Variants in SLC3A1 observed in about 807,000 individuals in gnomAD.
The protein encoded by SLC3A1 is amino acid transporter heavy chain SLC3A1.
A neutral mutation model predicts 60.3 loss-of-function variants in SLC3A1; 78 were observed. The ratio of observed to expected loss-of-function variants is 1.29; its 90% CI spans 1.08 to 1.56. SLC3A1 has a LOEUF of 1.56. Ranked by LOEUF, SLC3A1 falls within the 40% of genes most tolerant of loss-of-function variation. The pLI is 0.00. For missense variants in SLC3A1, 1,172 were observed against 858.9 expected, an observed-to-expected ratio of 1.36 and a Z score of -4.56; for synonymous variants, 392 against 307.9, an observed-to-expected ratio of 1.27 and a Z score of -2.86.
intron 3 of SLC3A1, among the ~76,000 whole-genome samples, chr2:44,282,850 G>T (rs1671531206): frequency 6.6e-6 from 1 of 151,926 alleles, no homozygotes; most frequent in South Asian, 2.1e-4. Flanking sequence ...TAAAGACAGG[G>T]CCTCACTCTG....
At position 44,275,750 on chromosome 2, in the gene SLC3A1, T is replaced by C. The variant is rs765538592; in HGVS notation, c.215T>C (p.Val72Ala). 1.1e-5 allele frequency: 17 copies of C among 1,614,054 alleles called. No homozygotes were observed. In the South Asian group the frequency reaches 1.6e-4, roughly 16 times the overall value. The change falls in exon 1 of 10, where the codon GTG (valine) becomes GCG (alanine). Residue 72 changes from valine (V) to alanine (A), a missense_variant. By Grantham distance (64) the Val-to-Ala change is moderately conservative (BLOSUM62 0). Transcript: ENST00000260649. ...VQPYAGMPKE[V>A]LFQFSGQARY... is the part of the protein sequence containing the mutation. ...CCCTATGCGGGGATGCCCAAGGAGGTGCTGTTCCAGTTCTCTGGCCAGGCC... is the reference window on the plus strand; with the variant it reads ...CCCTATGCGGGGATGCCCAAGGAGGCGCTGTTCCAGTTCTCTGGCCAGGCC...
At chr2:44,278,091 A>C (rs1671391025) in intron 1 of SLC3A1, among the ~76,000 whole-genome samples, 1 of 152,074 alleles carries the variant, frequency 6.6e-6, no homozygotes, top group East Asian at 1.9e-4. Flanking sequence ...CTGCCTGTTG[A>C]TACCGTGTGA....
intron 9 of SLC3A1, among the ~76,000 whole-genome samples, chr2:44,315,916 C>A (rs946620907): frequency 6.6e-6 from 1 of 152,076 alleles, no homozygotes; most frequent in Non-Finnish European, 1.5e-5. Flanking sequence ...TAGCACTGTC[C>A]CCTGGCGAGA....
chr2:44,300,262 C>A (rs879096682), intron 5 of SLC3A1, among the ~76,000 whole-genome samples, 172 bp downstream of exon 5: 1 of 152,116 alleles, frequency 6.6e-6, no homozygotes, highest in Non-Finnish European at 1.5e-5. Context: ...CATATGCACT[C>A]GATGTTTTTT....
chr2:44,304,230 C>A lies in SLC3A1; in HGVS notation c.1224C>A (p.Pro408=). The change falls in exon 7 of 10, where the codon CCC becomes CCA. Residue 408 remains proline (P), a synonymous_variant. Transcript: ENST00000260649. ...CATTTATCCAAGAAGCTGATTTTCC[C>A]TTCAACAATTACCTCAGCATGCTAG... ...GLPFIQEADF[P]FNNYLSMLDT... is the part of the protein sequence containing the mutation. 6.2e-7 allele frequency: 1 copy of A among 1,614,036 alleles called. No homozygotes were observed. The highest frequency in any genetic ancestry group is 8.5e-7 in the Non-Finnish European group (1 of 1,179,886).
intron 4 of SLC3A1, among the ~76,000 whole-genome samples, chr2:44,286,838 T>TGAGCTGTGCGGTGCCTGTGAG: frequency 7.8e-6 from 1 of 128,090 alleles, no homozygotes; most frequent in South Asian, 2.6e-4. Flanking sequence ...GTGCCTGTGA[T>TGAGCTGTGCGGTGCCTGTGAG]GGTGAGCTGT....
intron 7 of SLC3A1, among the ~76,000 whole-genome samples, chr2:44,306,138 T>C (rs559570311): frequency 6.6e-6 from 1 of 152,132 alleles, no homozygotes; most frequent in South Asian, 2.1e-4. Context: ...GCCTTATATA[T>C]AGAGAGAGAG....
Position 44,277,087 on chromosome 2 carries a change from T to C in SLC3A1, c.430+1122T>C, listed in dbSNP as rs867833137. Reference sequence around the variant, plus strand: ...AGAAGGCTTTTCTTTTTCACGCTCCTATCATTCTCTCTCTTCTTTTTTTTT... The same window carrying C: ...AGAAGGCTTTTCTTTTTCACGCTCCCATCATTCTCTCTCTTCTTTTTTTTT... On this transcript the variant is annotated intron_variant, in intron 1 of 9. Coordinates refer to ENST00000260649, the MANE Select transcript of SLC3A1 (RefSeq NM_000341.4). Among the ~76,000 whole-genome samples, 5 of 82,088 alleles carry C rather than the reference T, an allele frequency of 6.1e-5. No homozygotes were observed. In the South Asian group the frequency reaches 2.9e-3, roughly 48 times the overall value. The allele number at this position is 82,088 out of a possible 152,430, so 53.9% of individuals were successfully genotyped here.
chr2:44,299,828 A>C, intron 4 of SLC3A1, 143 bp from the exon 5 acceptor site: 1 of 871,272 alleles, frequency 1.1e-6, no homozygotes, highest in Non-Finnish European at 1.9e-6. Context: ...CTAAATAGAT[A>C]AAAATAGACT....
intron 7 of SLC3A1, among the ~76,000 whole-genome samples, chr2:44,307,206 A>G (rs1237603475): frequency 3.3e-5 from 5 of 152,334 alleles, no homozygotes; most frequent in South Asian, 4.1e-4. Context: ...GCTGAATAGT[A>G]ACTTCCATAA....
intron 7 of SLC3A1, among the ~76,000 whole-genome samples, chr2:44,306,866 C>A (rs1484016711): frequency 6.6e-6 from 1 of 151,124 alleles, no homozygotes; most frequent in Non-Finnish European, 1.5e-5. Flanking sequence ...CAAAATTTAC[C>A]GTTATTAAAG....
chr2:44,281,131 T>C (rs1223652587), intron 2 of SLC3A1, among the ~76,000 whole-genome samples: 9 of 130,532 alleles, frequency 6.9e-5, no homozygotes, highest in Admixed American at 2.5e-4. Flanking sequence ...TTTCTTCCCC[T>C]CCCCTCCCCT....
In SLC3A1 at chr2:44,287,562, G is replaced by T. The variant is rs376821972; in HGVS notation, c.891+1405G>T. Among the ~76,000 whole-genome samples the T allele has an allele frequency of 3.3e-4, 50 of 152,326 alleles. 1 individual carries two copies. The South Asian group carries it at 0.01, about 31-fold the overall frequency. ...AATTGTTCATTGATTACCTGAAATTGAAATGTAATTGAGTGTCTTGTATTT... is the reference window on the plus strand; with the variant it reads ...AATTGTTCATTGATTACCTGAAATTTAAATGTAATTGAGTGTCTTGTATTT... On this transcript the variant is annotated intron_variant, in intron 4 of 9. Transcript: ENST00000260649.
downstream of SLC3A1, among the ~76,000 whole-genome samples, chr2:44,322,308 C>CTGAA (rs1430785129): frequency 6.6e-6 from 1 of 152,126 alleles, no homozygotes; most frequent in Non-Finnish European, 1.5e-5. Flanking sequence ...TCTCATAAAG[C>CTGAA]TGAAACAGCT....
In SLC3A1 at chr2:44,275,910, G is replaced by A. The variant is rs143903599; in HGVS notation, c.375G>A (p.Gln125=). The A allele has an allele frequency of 3.1e-6, 5 of 1,614,128 alleles. No homozygotes were observed. In the African/African-American group the frequency reaches 6.7e-5, roughly 22 times the overall value. The part of the protein sequence containing the change: ...LDWWQEGPMY[Q]IYPRSFKDSN... ...GGTGGCAGGAGGGGCCCATGTACCAGATCTACCCAAGGTCTTTCAAGGACA... is the reference window on the plus strand; with the variant it reads ...GGTGGCAGGAGGGGCCCATGTACCAAATCTACCCAAGGTCTTTCAAGGACA... Residue 125 remains glutamine, a synonymous_variant, in exon 1 of 10, where the codon CAG becomes CAA. Coordinates refer to ENST00000260649, the MANE Select transcript of SLC3A1 (RefSeq NM_000341.4).
rs988215338 is a variant in SLC3A1 at position 44,320,302 on chromosome 2, G to A, written c.1721G>A (p.Arg574Lys). The A allele has an allele frequency of 1.2e-6, 2 of 1,614,058 alleles. No homozygotes were observed. Among genetic ancestry groups the A allele is most frequent in the South Asian group, 2.2e-5 (2 of 91,084 alleles). The change falls in exon 10 of 10, where the codon AGG (arginine) becomes AAG (lysine). Residue 574 changes from arginine (R) to lysine (K), a missense_variant. Physicochemically the swap from Arg to Lys is conservative, Grantham distance 26 (BLOSUM62 2). Coordinates refer to ENST00000260649, the MANE Select transcript of SLC3A1 (RefSeq NM_000341.4). ...AACAGGGGCTGGTTTTGCCATTTGAGGAATGACAGCCACTATGTTGTGTAC... is the reference window on the plus strand; with the variant it reads ...AACAGGGGCTGGTTTTGCCATTTGAAGAATGACAGCCACTATGTTGTGTAC... ...LLNRGWFCHL[R>K]NDSHYVVYTR...
intron 3 of SLC3A1, among the ~76,000 whole-genome samples, chr2:44,283,640 C>T (rs186696157): frequency 6.6e-6 from 1 of 152,210 alleles, no homozygotes; most frequent in East Asian, 1.9e-4. Flanking sequence ...TCACAGCTGC[C>T]TTGTGATCCA....
rs887949099 is a variant in SLC3A1, at chr2:44,286,145, A to G, written c.879A>G (p.Gln293=). Reference sequence around the variant, plus strand: ...TAAATTTCCGCAATCCTGATGTTCAAGAAGAAATAAAAGTGAGTATAGATA... The same window carrying G: ...TAAATTTCCGCAATCCTGATGTTCAGGAAGAAATAAAAGTGAGTATAGATA... ...PDLNFRNPDV[Q]EEIKEILRFW... The change falls in exon 4 of 10, where the codon CAA becomes CAG. Residue 293 remains glutamine (Q), a synonymous_variant. Transcript: ENST00000260649. The G allele has an allele frequency of 6.2e-7, 1 of 1,614,066 alleles. No homozygotes were observed. The highest frequency in any genetic ancestry group is 8.5e-7 in the Non-Finnish European group (1 of 1,179,936).
At chr2:44,276,787 A>G (rs1671353765) in intron 1 of SLC3A1, among the ~76,000 whole-genome samples, 1 of 152,248 alleles carries the variant, frequency 6.6e-6, no homozygotes, top group East Asian at 1.9e-4. Context: ...CTTACAATAT[A>G]TTGCTCAAAC....
Sources: gnomAD v4.1 joint callset for allele counts (sites outside exome capture counted in the v4.1 genomes callset) on GRCh38, gnomAD v4.1.1 for gene constraint, MANE v1.5 for transcripts, NCBI Gene and HGNC (gene_info 2026-07-23, HGNC 2026-07-21) for gene names.